The following STAU1 variants were observed in gnomAD, a reference collection of about 807,000 sequenced individuals.
STAU1 encodes staufen double-stranded RNA binding protein 1.
In STAU1, 13 loss-of-function variants were observed where a neutral mutation model predicts 62.9. That is an observed-to-expected ratio of 0.21 (90% CI 0.13 to 0.33). STAU1 has a LOEUF of 0.33. Ranked by LOEUF, STAU1 falls within the 10% of genes least tolerant of loss-of-function variation. STAU1 has a pLI of 1.00. For synonymous variants in STAU1, 269 were observed against 265.1 expected (o/e 1.01, Z -0.14); for missense variants, 571 against 712.1 (o/e 0.80, Z 2.25).
chr20:49,145,789 T>C (rs913143855), intron 5 of STAU1, among the ~76,000 whole-genome samples: 1 of 150,860 alleles, frequency 6.6e-6, no homozygotes, highest in Non-Finnish European at 1.5e-5. Flanking sequence ...TCCCAGATAA[T>C]CAAGAGGCAA....
At chr20:49,206,905 G>C in the STAU1 span, among the ~76,000 whole-genome samples, 4 of 150,838 alleles carry the variant, frequency 2.7e-5, no homozygotes, top group Non-Finnish European at 5.9e-5. Context: ...ACAGGCGTGC[G>C]CCACCACACC....
chr20:49,121,562 T>C (rs2092465006), intron 8 of STAU1, among the ~76,000 whole-genome samples: 1 of 152,242 alleles, frequency 6.6e-6, no homozygotes, highest in Admixed American at 6.5e-5. Context: ...TATAACACTA[T>C]CGTTGGTAAC....
intron 1 of STAU1, among the ~76,000 whole-genome samples, chr20:49,187,188 G>T (rs2093798327): frequency 6.6e-6 from 1 of 152,132 alleles, no homozygotes; most frequent in South Asian, 2.1e-4. Context: ...TCCCAGAAAT[G>T]GAATGACAAG....
the STAU1 span, among the ~76,000 whole-genome samples, chr20:49,218,573 A>AC: frequency 6.6e-6 from 1 of 152,056 alleles, no homozygotes; most frequent in African/African-American, 2.4e-5. Flanking sequence ...AACAAAAAAA[A>AC]CATGATGGGG....
chr20:49,157,503 G>A (rs1178805566), intron 3 of STAU1, among the ~76,000 whole-genome samples: 3 of 151,382 alleles, frequency 2.0e-5, no homozygotes, highest in Non-Finnish European at 4.4e-5. Context: ...ATTTTTTTGA[G>A]ACAGTCTTGC....
At chr20:49,187,951 G>A (rs2093811704) in intron 1 of STAU1, among the ~76,000 whole-genome samples, 165 bp downstream of exon 1, 1 of 151,854 alleles carries the variant, frequency 6.6e-6, no homozygotes, top group Non-Finnish European at 1.5e-5. Context: ...GAACGCAAGA[G>A]GACCCGCCTC....
At chr20:49,160,597 A>AT (rs1315751679) in intron 3 of STAU1, among the ~76,000 whole-genome samples, 1 of 152,140 alleles carries the variant, frequency 6.6e-6, no homozygotes, top group African/African-American at 2.4e-5. Flanking sequence ...AGACTGAATT[A>AT]TTTTTTTCCT....
intron 2 of STAU1, among the ~76,000 whole-genome samples, chr20:49,169,118 T>A (rs1427272206): frequency 1.3e-5 from 2 of 151,960 alleles, no homozygotes; most frequent in African/African-American, 4.8e-5. Flanking sequence ...ACCCGGCTAA[T>A]TTTGTATTTT....
At chr20:49,176,160 T>C (rs2093658548) in intron 1 of STAU1, among the ~76,000 whole-genome samples, 2 of 152,226 alleles carry the variant, frequency 1.3e-5, no homozygotes, top group Non-Finnish European at 2.9e-5. Context: ...TTTTCAAACC[T>C]GTGTTTTCTT....
chr20:49,189,150 C>A (rs1325339645), upstream of STAU1, among the ~76,000 whole-genome samples: 1 of 117,152 alleles, frequency 8.5e-6, no homozygotes, highest in African/African-American at 3.3e-5. Context: ...TTGCAGTGAG[C>A]TGAGATCGCG....
chr20:49,160,488 T>A (rs996033824), intron 3 of STAU1, among the ~76,000 whole-genome samples: 2 of 152,200 alleles, frequency 1.3e-5, no homozygotes, highest in African/African-American at 4.8e-5. Flanking sequence ...CAACTCCGTA[T>A]CTCCGTGTCC....
At chr20:49,219,281 C>T in the STAU1 span, 3 of 1,439,318 alleles carry the variant, frequency 2.1e-6, no homozygotes, top group Admixed American at 5.0e-5. Context: ...ACCAACCACG[C>T]CCCATATTGC....
At position 49,124,473 on chromosome 20, in the gene STAU1, C is replaced by T; in HGVS notation, c.724G>A (p.Ala242Thr). The change falls in exon 7 of 14, where the codon GCC (alanine) becomes ACC (threonine). Residue 242 changes from alanine to threonine, a missense_variant. By Grantham distance (58) the Ala-to-Thr change is moderately conservative. This residue lies in a region of STAU1 where 414 missense variants were observed against 499.6 expected (regional missense o/e 0.83). Coordinates refer to ENST00000371856, the MANE Select transcript of STAU1 (RefSeq NM_017453.4). ...TTCAGCTCCTCAAGAACAGCTATGG[C>T]GGCATTTTTCTTTGAAATCTTCTTG... Reference protein sequence around the residue: ...KSKKISKKNAAIAVLEELKKL... With the variant: ...KSKKISKKNATIAVLEELKKL... 1.2e-6 allele frequency: 2 copies of T among 1,614,142 alleles called. No individual in the cohort carries two copies. Among genetic ancestry groups the T allele is most frequent in the Non-Finnish European group, 1.7e-6 (2 of 1,180,032 alleles).
At position 49,113,624 on chromosome 20, in the gene STAU1, C is replaced by T. The variant is rs143365321; in HGVS notation, c.*1254G>A. The T allele has an allele frequency of 5.2e-5, 8 of 152,714 alleles. No individual in the cohort carries two copies. Among genetic ancestry groups the T allele is most frequent in the African/African-American group, 9.6e-5 (4 of 41,568 alleles). 9.5% of individuals were successfully genotyped at this position (152,714 alleles called of 1,614,324 possible). ...CAATGAATGGAAGCAGTACTTAACT[C>T]GCAGGGCTACCAGGCTTTCCATACG... On this transcript the variant is annotated 3_prime_UTR_variant, in exon 14 of 14. Transcript: ENST00000371856.
chr20:49,137,394 A>G (rs576906109), intron 5 of STAU1, among the ~76,000 whole-genome samples: 2 of 152,314 alleles, frequency 1.3e-5, no homozygotes, highest in South Asian at 2.1e-4. Context: ...CTGCGTGCTG[A>G]TAACATGGAT....
chr20:49,144,812 C>A (rs1186164863), intron 5 of STAU1, among the ~76,000 whole-genome samples: 1 of 152,136 alleles, frequency 6.6e-6, no homozygotes, highest in Non-Finnish European at 1.5e-5. Context: ...ACCCCAGAGG[C>A]TTTATCATTC....
At chr20:49,183,500 A>G (rs2093751487) in intron 1 of STAU1, among the ~76,000 whole-genome samples, 1 of 152,230 alleles carries the variant, frequency 6.6e-6, no homozygotes, top group Admixed American at 6.5e-5. Context: ...GTGGAATCCC[A>G]CAAAAAGATA....
chr20:49,120,263 T>C (rs1003306359), intron 8 of STAU1, 135 bp from the exon 9 acceptor site: 1 of 952,710 alleles, frequency 1.0e-6, no homozygotes, highest in African/African-American at 1.6e-5. Context: ...CTGGCCTCCT[T>C]GTCTCTGAGA....
intron 5 of STAU1, among the ~76,000 whole-genome samples, chr20:49,141,405 A>G (rs2093004609): frequency 2.0e-5 from 3 of 152,212 alleles, no homozygotes; most frequent in South Asian, 2.1e-4. Flanking sequence ...TCTAGGCAAC[A>G]AAGTGAGACC....
Sources: gnomAD v4.1 joint callset for allele counts (sites outside exome capture counted in the v4.1 genomes callset) on GRCh38, gnomAD v4.1.1 for gene constraint, gnomAD v4.1.1 regional missense constraint, MANE v1.5 for transcripts, NCBI Gene and HGNC (gene_info 2026-07-23, HGNC 2026-07-21) for gene names.